The following APOL2 variants were observed in gnomAD, a reference collection of about 807,000 sequenced individuals.
APOL2 encodes apolipoprotein L2.
In APOL2, 8 loss-of-function variants were observed where a neutral mutation model predicts 7.1. The observed-to-expected ratio is 1.12, with a 90% CI of 0.66 to 2.03. The LOEUF (loss-of-function observed/expected upper bound fraction) is 2.03. Ranked by LOEUF, APOL2 falls within the 30% of genes most tolerant of loss-of-function variation. The probability of loss-of-function intolerance (pLI) is 0.00; values close to 1 mark genes in which losing one functional copy is unlikely to be tolerated. For synonymous variants in APOL2, 177 were observed against 159.9 expected (o/e 1.11, Z -0.81); for missense variants, 471 against 415.1 (o/e 1.13, Z -1.17).
intron 1 of APOL2, chr22:36,236,519 T>C (rs913995912): frequency 5.1e-5 from 49 of 963,716 alleles, no homozygotes; most frequent in Non-Finnish European, 6.0e-5. Context: ...AATGACACTA[T>C]AAGTAATAAT....
intron 4 of APOL2, 145 bp from the exon 5 acceptor site, chr22:36,228,425 T>C (rs1400340009): frequency 7.1e-6 from 8 of 1,120,824 alleles, no homozygotes; most frequent in Non-Finnish European, 1.0e-5. Context: ...TTAATTATCT[T>C]TCAAACTCAA....
chr22:36,238,849 C>T (rs552669321), intron 1 of APOL2, among the ~76,000 whole-genome samples: 1 of 152,338 alleles, frequency 6.6e-6, no homozygotes, highest in Admixed American at 6.5e-5. Context: ...GCCTGCTCAG[C>T]CTCCTGACAC....
rs1471040402 is a variant in APOL2, at chr22:36,227,056, C to T, written c.*348G>A. ...TTTGGCCAGGCGCGGTGGCTCACGCCTGTAATCCCAGCACTTTGGGAGGCC... is the reference window on the plus strand; with the variant it reads ...TTTGGCCAGGCGCGGTGGCTCACGCTTGTAATCCCAGCACTTTGGGAGGCC... On this transcript the variant is annotated 3_prime_UTR_variant, in exon 5 of 5. Coordinates refer to ENST00000358502, the MANE Select transcript of APOL2 (RefSeq NM_030882.4). 4.8e-6 allele frequency: 1 copy of T among 206,478 alleles called. No homozygotes were observed. Among genetic ancestry groups the T allele is most frequent in the Non-Finnish European group, 9.7e-6 (1 of 103,076 alleles). The allele number at this position is 206,478 out of a possible 1,614,324, so 12.8% of individuals were successfully genotyped here.
At position 36,233,482 on chromosome 22, in the gene APOL2, C is replaced by T; in HGVS notation, c.-133-27G>A. The T allele has an allele frequency of 1.9e-6, 3 of 1,542,744 alleles. No individual in the cohort carries two copies. The East Asian group carries it at 7.3e-5, about 38-fold the overall frequency. ...TGTAGGGGTATGAGAAGAAGATAAT[C>T]AGAGGAGGGGCAGCCATCTGATCAT... On this transcript the variant is annotated intron_variant, in intron 1 of 4. Transcript: ENST00000358502.
chr22:36,235,599 G>T (rs1410933706), intron 1 of APOL2, among the ~76,000 whole-genome samples: 2 of 152,112 alleles, frequency 1.3e-5, no homozygotes, highest in African/African-American at 4.8e-5. Context: ...CCATGTGAAA[G>T]AAAGTCACGG....
chr22:36,233,351 C>T, intron 2 of APOL2, 51 bp downstream of exon 2: 1 of 1,570,868 alleles, frequency 6.4e-7, no homozygotes, highest in Non-Finnish European at 8.6e-7. Flanking sequence ...AGCAAATGTC[C>T]AGAGTGTTTA....
intron 4 of APOL2, 58 bp downstream of exon 4, chr22:36,231,282 G>A: frequency 6.3e-7 from 1 of 1,597,832 alleles, no homozygotes; most frequent in South Asian, 1.1e-5. Flanking sequence ...AACCAGCCCA[G>A]GGGAGATCTG....
chr22:36,231,218 C>T, intron 4 of APOL2, 122 bp downstream of exon 4: 1 of 1,322,498 alleles, frequency 7.6e-7, no homozygotes, highest in Non-Finnish European at 1.0e-6. Flanking sequence ...CCGAGAAGGT[C>T]ATCCTCAAGC....
intron 1 of APOL2, among the ~76,000 whole-genome samples, chr22:36,235,153 C>A (rs150384951): frequency 1.3e-5 from 2 of 152,166 alleles, no homozygotes; most frequent in Non-Finnish European, 2.9e-5. Flanking sequence ...ACCAGGCCCA[C>A]GTGCCATATG....
rs2015082966 is a variant in APOL2 at position 36,228,074 on chromosome 22, A to G, written c.344T>C (p.Ile115Thr). Residue 115 changes from isoleucine (I) to threonine (T), a missense_variant, in exon 5 of 5, where the codon ATT becomes ACT. Physicochemically the swap from Ile to Thr is moderately conservative, Grantham distance 89. Coordinates refer to ENST00000358502, the MANE Select transcript of APOL2 (RefSeq NM_030882.4). ...EVEQVHRGTT[I>T]ANVVSNSVGT... Reference sequence around the variant, plus strand: ...AACAGAGTTGGACACCACATTGGCAATGGTGGTGCCTCTGTGGACCTGCTC... The same window carrying G: ...AACAGAGTTGGACACCACATTGGCAGTGGTGGTGCCTCTGTGGACCTGCTC... The G allele has an allele frequency of 3.7e-6, 6 of 1,614,236 alleles. No individual in the cohort carries two copies. The highest frequency in any genetic ancestry group is 1.6e-4 in the Middle Eastern group (1 of 6,062).
intron 1 of APOL2, among the ~76,000 whole-genome samples, chr22:36,238,266 G>A (rs2015478374): frequency 6.6e-6 from 1 of 152,200 alleles, no homozygotes; most frequent in African/African-American, 2.4e-5. Context: ...GGATGACATG[G>A]CCCAGCTTCA....
rs997079202 is a variant in APOL2, at chr22:36,227,788, A to C, written c.630T>G (p.Val210=). Residue 210 remains valine (V), a synonymous_variant, in exon 5 of 5, where the codon GTT becomes GTG. Transcript: ENST00000358502. The stretch of plus-strand genomic sequence containing the variant: ...CTTGTGTGACTTGGTACCAATTGTC[A>C]ACTAAGGTAAGAACATTGGGTGTGT... ...GGNTPNVLTL[V]DNWYQVTQGI... 3.7e-6 allele frequency: 6 copies of C among 1,614,106 alleles called. No homozygotes were observed. The African/African-American group carries it at 4.0e-5, about 11-fold the overall frequency.
rs199510611 is a variant in APOL2, at chr22:36,228,128, C to G, written c.290G>C (p.Arg97Thr). ...RLKRELEDHIRKLRALAEEVE... is the reference protein window; with the variant it reads ...RLKRELEDHITKLRALAEEVE... ...CTCCTCTGCAAGGGCACGGAGCTTC[C>G]TTATGTGATCCTCAAGCTCCCTTTT... The change falls in exon 5 of 5, where the codon AGG (arginine) becomes ACG (threonine). Residue 97 changes from arginine to threonine, a missense_variant. Arg to Thr is a moderately conservative substitution (Grantham distance 71). Transcript: ENST00000358502. The G allele has an allele frequency of 6.8e-6, 11 of 1,614,212 alleles. No individual in the cohort carries two copies. The highest frequency in any genetic ancestry group is 9.3e-6 in the Non-Finnish European group (11 of 1,180,030).
upstream of APOL2, chr22:36,239,561 C>A (rs746092046): frequency 2.6e-6 from 4 of 1,531,746 alleles, no homozygotes; most frequent in South Asian, 4.7e-5. Flanking sequence ...CCAGATATAC[C>A]CTGGAATTCG....
At chr22:36,232,763 G>C (rs532762142) in intron 3 of APOL2, among the ~76,000 whole-genome samples, 1 of 152,224 alleles carries the variant, frequency 6.6e-6, no homozygotes, top group African/African-American at 2.4e-5. Context: ...TGGGTCAGCA[G>C]GGAGAAGAGC....
intron 1 of APOL2, among the ~76,000 whole-genome samples, chr22:36,238,825 A>G (rs2015501164): frequency 6.6e-6 from 1 of 152,184 alleles, no homozygotes; most frequent in African/African-American, 2.4e-5. Context: ...CAGAGACGTG[A>G]AGTCCTATGA....
At chr22:36,239,686 G>T, upstream of APOL2, 1 of 598,532 alleles carries the variant, frequency 1.7e-6, no homozygotes, top group Non-Finnish European at 3.0e-6. Context: ...TGCACTTAGA[G>T]GAGCAGCCGC....
At chr22:36,234,045 T>C (rs1383258582) in intron 1 of APOL2, among the ~76,000 whole-genome samples, 1 of 152,194 alleles carries the variant, frequency 6.6e-6, no homozygotes, top group African/African-American at 2.4e-5. Context: ...CTCCTGATGC[T>C]TCCCCGTCCC....
Position 36,232,324 on chromosome 22 carries a change from C to T in APOL2, c.10+829G>A, listed in dbSNP as rs560006351. On this transcript the variant is annotated intron_variant, in intron 3 of 4. Coordinates refer to ENST00000358502, the MANE Select transcript of APOL2 (RefSeq NM_030882.4). ...GTATCTGAGATCATGGGAATGAGGC[C>T]CTGCCTGAGGCAGTCATCCCTGGTC... 7.7e-4 allele frequency among the ~76,000 whole-genome samples: 118 copies of T among 152,298 alleles called. 4 individuals are homozygous for T. In the South Asian group the frequency reaches 0.024, roughly 31 times the overall value.
Sources: allele counts gnomAD v4.1 joint callset (sites outside exome capture counted in the v4.1 genomes callset), GRCh38; gene constraint gnomAD v4.1.1; transcripts MANE v1.5; gene names NCBI Gene and HGNC (gene_info 2026-07-23, HGNC 2026-07-21).